The following ST6GALNAC3 variants were observed in gnomAD, a reference collection of about 807,000 sequenced individuals.
ST6GALNAC3 encodes the protein ST6 N-acetylgalactosaminide alpha-2,6-sialyltransferase 3, also known as alpha-N-acetylgalactosaminide alpha-2,6-sialyltransferase 3.
ST6GALNAC3 carries 25 observed loss-of-function variants against 32.7 expected under a neutral mutation model. That is an observed-to-expected ratio of 0.76 (90% CI 0.56 to 1.07). The LOEUF (loss-of-function observed/expected upper bound fraction) is 1.07. Ranked by LOEUF, ST6GALNAC3 falls within the 50% of genes least tolerant of loss-of-function variation. ST6GALNAC3 has a pLI of 0.00. For synonymous variants in ST6GALNAC3, 129 were observed against 133.1 expected (o/e 0.97, Z 0.21); for missense variants, 355 against 382.4 (o/e 0.93, Z 0.60).
At chr1:76,080,694 A>G (rs568436739) in intron 1 of ST6GALNAC3, among the ~76,000 whole-genome samples, 17 of 152,228 alleles carry the variant, frequency 1.1e-4, no homozygotes, top group Non-Finnish European at 2.2e-4. Context: ...GTGGTTCTCA[A>G]ACGATGAGGT....
chr1:76,562,686 G>T (rs72678099), intron 3 of ST6GALNAC3, among the ~76,000 whole-genome samples: 4,922 of 152,284 alleles, frequency 0.032, 126 homozygotes, highest in South Asian at 0.062. Context: ...TCTACCCATT[G>T]TCTTTCATTG....
chr1:76,111,392 C>CT (rs1250596633), intron 1 of ST6GALNAC3, among the ~76,000 whole-genome samples: 1 of 152,034 alleles, frequency 6.6e-6, no homozygotes, highest in Non-Finnish European at 1.5e-5. Context: ...TCGTCTAGAT[C>CT]TTCCAGGGCT....
chr1:76,398,663 A>G (rs1302283486), intron 2 of ST6GALNAC3, among the ~76,000 whole-genome samples: 1 of 152,170 alleles, frequency 6.6e-6, no homozygotes, highest in Non-Finnish European at 1.5e-5. Flanking sequence ...AGGGAGTTTA[A>G]ACAATGCTGC....
intron 1 of ST6GALNAC3, among the ~76,000 whole-genome samples, chr1:76,212,623 A>G (rs1166891468): frequency 1.3e-5 from 2 of 152,114 alleles, no homozygotes; most frequent in Non-Finnish European, 2.9e-5. Context: ...GCTTATTTCC[A>G]CTTCTACCAC....
At chr1:76,593,270 G>A (rs1396558937) in intron 3 of ST6GALNAC3, among the ~76,000 whole-genome samples, 1 of 152,160 alleles carries the variant, frequency 6.6e-6, no homozygotes, top group Admixed American at 6.5e-5. Flanking sequence ...AGAAGCAAAG[G>A]AAGATTCTGT....
chr1:76,344,707 A>G (rs1004023413), intron 2 of ST6GALNAC3, among the ~76,000 whole-genome samples: 4 of 152,150 alleles, frequency 2.6e-5, no homozygotes, highest in Admixed American at 6.5e-5. Context: ...ATACTTTCCA[A>G]GGTTGTTAGA....
intron 3 of ST6GALNAC3, among the ~76,000 whole-genome samples, chr1:76,547,686 C>A (rs1664379111): frequency 6.6e-6 from 1 of 151,924 alleles, no homozygotes; most frequent in Non-Finnish European, 1.5e-5. Context: ...AACCCCATCT[C>A]TACTAAAAAT....
intron 2 of ST6GALNAC3, among the ~76,000 whole-genome samples, chr1:76,363,085 T>C (rs2101056728): frequency 6.6e-6 from 1 of 152,360 alleles, no homozygotes; most frequent in East Asian, 1.9e-4. Flanking sequence ...CAGGCTTTTC[T>C]TTTCTACCAC....
chr1:76,554,363 TCTG>T (rs1664797864), intron 3 of ST6GALNAC3, among the ~76,000 whole-genome samples: 1 of 152,142 alleles, frequency 6.6e-6, no homozygotes, highest in African/African-American at 2.4e-5. Context: ...CCTAAAAACT[TCTG>T]CTATGGGGAG....
intron 1 of ST6GALNAC3, among the ~76,000 whole-genome samples, chr1:76,270,035 T>G (rs4949625): frequency 0.69 from 104,389 of 152,036 alleles, 35,992 homozygotes; most frequent in East Asian, 0.79. Context: ...AAGGGATTCA[T>G]GGGCATTTGC....
At chr1:76,494,452 TATATATATATATATATACAC>T (rs1162184948) in intron 3 of ST6GALNAC3, among the ~76,000 whole-genome samples, 4 of 84,386 alleles carry the variant, frequency 4.7e-5, no homozygotes, top group African/African-American at 1.7e-4. Context: ...TATATATATA[TATATATATATATATATACAC>T]ACACACACAC....
chr1:76,251,329 C>T (rs951594269), intron 1 of ST6GALNAC3, among the ~76,000 whole-genome samples: 1 of 152,122 alleles, frequency 6.6e-6, no homozygotes, highest in African/African-American at 2.4e-5. Context: ...TACATTTTGG[C>T]TAGAATCATT....
chr1:76,222,410 T>C (rs1020232172), intron 1 of ST6GALNAC3, among the ~76,000 whole-genome samples: 5 of 152,266 alleles, frequency 3.3e-5, no homozygotes, highest in Non-Finnish European at 7.4e-5. Flanking sequence ...GGGACCTAAT[T>C]AAACTGAAGA....
At chr1:76,288,136 T>G in intron 1 of ST6GALNAC3, among the ~76,000 whole-genome samples, 1 of 152,238 alleles carries the variant, frequency 6.6e-6, no homozygotes, top group East Asian at 1.9e-4. Context: ...ATTGGCTACC[T>G]TTGGAGCCTG....
intron 3 of ST6GALNAC3, among the ~76,000 whole-genome samples, chr1:76,484,982 T>A (rs1660004977): frequency 6.6e-6 from 1 of 152,204 alleles, no homozygotes; most frequent in African/African-American, 2.4e-5. Context: ...GAGATAACCA[T>A]GTGGTAGTTG....
intron 2 of ST6GALNAC3, among the ~76,000 whole-genome samples, chr1:76,314,639 A>G (rs1010047262): frequency 2.0e-5 from 3 of 152,330 alleles, no homozygotes; most frequent in South Asian, 4.1e-4. Context: ...GCAAGCAAGC[A>G]TTTGTCTCAT....
chr1:76,448,168 G>T (rs1379450537), intron 3 of ST6GALNAC3, among the ~76,000 whole-genome samples: 1 of 152,208 alleles, frequency 6.6e-6, no homozygotes, highest in Non-Finnish European at 1.5e-5. Context: ...GTAGATGTGA[G>T]ACATGGAGTC....
intron 1 of ST6GALNAC3, among the ~76,000 whole-genome samples, chr1:76,088,688 ATTTG>A (rs1224565998): frequency 1.3e-5 from 2 of 152,178 alleles, no homozygotes; most frequent in Non-Finnish European, 2.9e-5. Flanking sequence ...ATGGCAGCCT[ATTTG>A]TTTGTTGATC....
chr1:76,343,455 C>T (rs191692938), intron 2 of ST6GALNAC3, among the ~76,000 whole-genome samples: 6 of 152,066 alleles, frequency 3.9e-5, no homozygotes, highest in African/African-American at 1.2e-4. Context: ...ATGAAAAGAC[C>T]GTCGGATCAG....
Sources: gnomAD v4.1 joint callset for allele counts (sites outside exome capture counted in the v4.1 genomes callset) on GRCh38, gnomAD v4.1.1 for gene constraint, MANE v1.5 for transcripts, NCBI Gene and HGNC (gene_info 2026-07-23, HGNC 2026-07-21) for gene names.